Variants in RNF213 observed in about 807,000 individuals in gnomAD.
The protein encoded by RNF213 is ring finger protein 213.
In RNF213, 341 loss-of-function variants were observed where a neutral mutation model predicts 514.4. That is an observed-to-expected ratio of 0.66 (90% CI 0.61 to 0.73). The LOEUF is 0.73. Ranked by LOEUF, RNF213 falls within the 30% of genes least tolerant of loss-of-function variation. The probability of loss-of-function intolerance (pLI) is 0.00; values close to 1 mark genes in which losing one functional copy is unlikely to be tolerated. For missense variants in RNF213, 5,767 were observed against 6,615.6 expected (o/e 0.87, Z 4.45); for synonymous variants, 2,655 against 2,658.2 (o/e 1.00, Z 0.04).
intron 49 of RNF213, 113 bp downstream of exon 49, chr17:80,373,278 A>G: frequency 1.8e-6 from 1 of 556,212 alleles, no homozygotes; most frequent in Non-Finnish European, 2.8e-6. Flanking sequence ...CCACCCCCTC[A>G]CACCTTCCCC....
intron 37 of RNF213, among the ~76,000 whole-genome samples, chr17:80,358,915 A>G (rs2078934973): frequency 6.6e-6 from 1 of 152,132 alleles, no homozygotes; most frequent in Non-Finnish European, 1.5e-5. Flanking sequence ...CTCAAAAAAA[A>G]AGAATAGGAA....
chr17:80,293,605 C>T (rs1321906753), intron 8 of RNF213, among the ~76,000 whole-genome samples: 2 of 151,700 alleles, frequency 1.3e-5, no homozygotes, highest in African/African-American at 2.4e-5. Flanking sequence ...GGGCGGATCA[C>T]GAGGTCAGGA....
chr17:80,323,800 C>T (rs1043704860), intron 17 of RNF213, among the ~76,000 whole-genome samples: 3 of 147,260 alleles, frequency 2.0e-5, no homozygotes, highest in African/African-American at 7.7e-5. Flanking sequence ...TTAAATTTTG[C>T]ACTTCTTTTG....
intron 3 of RNF213, among the ~76,000 whole-genome samples, chr17:80,281,763 G>A (rs762564196): frequency 2.0e-5 from 3 of 151,952 alleles, no homozygotes; most frequent in African/African-American, 4.8e-5. Context: ...CCAGGACCGC[G>A]GAGGACGCCA....
At chr17:80,291,518 C>A in intron 7 of RNF213, 110 bp from the exon 8 acceptor site, 1 of 1,137,018 alleles carries the variant, frequency 8.8e-7, no homozygotes, top group Non-Finnish European at 1.3e-6. Context: ...CCACTGAACC[C>A]AGCCTTGCCA....
rs1225227755 is a variant in RNF213, at chr17:80,263,058, G to T, written c.-108-516G>T. ...CACTCTCACCCTGGATGCAAGAAGT[G>T]ACCCCGGAGGCCTGAGTCCTGGCCT... is the stretch of plus-strand genomic sequence containing the variant. On this transcript the variant is annotated intron_variant, in intron 1 of 67. Coordinates refer to ENST00000582970, the MANE Select transcript of RNF213 (RefSeq NM_001256071.3). The surrounding 1 kb of genome is among the most constrained non-coding windows in gnomAD (Gnocchi z 4.9). 6.6e-6 allele frequency among the ~76,000 whole-genome samples: 1 copy of T among 152,202 alleles called. No individual in the cohort carries two copies. The highest frequency in any genetic ancestry group is 1.5e-5 in the Non-Finnish European group (1 of 68,034).
At position 80,337,653 on chromosome 17, in the gene RNF213, C is replaced by A. The variant is rs1033686685; in HGVS notation, c.4595C>A (p.Ser1532Ter). 6.5e-7 allele frequency: 1 copy of A among 1,537,286 alleles called. No individual in the cohort carries two copies. The highest frequency in any genetic ancestry group is 8.7e-7 in the Non-Finnish European group (1 of 1,146,932). ...VNESHGSVER[S>*]SLTLATAINQ... is the part of the protein sequence containing the mutation. ...GAGAGTCATGGGTCTGTGGAACGCT[C>A]ATCCCTGACCCTGGCCACGGCCATC... The change falls in exon 24 of 68, where the codon TCA becomes TAA. Residue 1532 changes from serine (S) to a stop codon, truncating the protein, a stop_gained. Transcript: ENST00000582970. LOFTEE classifies it high-confidence loss of function.
rs1315733182 is a variant in RNF213, at chr17:80,313,277, C to T, written c.2811+110C>T. Reference sequence around the variant, plus strand: ...GGCCAGGGGCAGTTGTTGGCCTTCACCTGAGCCTCAGTTCTTCATCTACAA... The same window carrying T: ...GGCCAGGGGCAGTTGTTGGCCTTCATCTGAGCCTCAGTTCTTCATCTACAA... On this transcript the variant is annotated intron_variant, in intron 15 of 67. Transcript: ENST00000582970. The T allele has an allele frequency of 3.6e-6, 5 of 1,379,160 alleles. No individual in the cohort carries two copies. In the African/African-American group the frequency reaches 4.3e-5, roughly 12 times the overall value. The allele number at this position is 1,379,160 out of a possible 1,614,324, so 85.4% of individuals were successfully genotyped here. A position where few individuals can be genotyped will look rare whatever the true frequency, so the allele number is the denominator to read the frequency against.
At chr17:80,293,536 C>T (rs139639101) in intron 8 of RNF213, among the ~76,000 whole-genome samples, 2 of 151,296 alleles carry the variant, frequency 1.3e-5, no homozygotes, top group East Asian at 2.0e-4. Flanking sequence ...TAAAAGGGCA[C>T]GTGGTGGCTG....
chr17:80,388,584 T>G, intron 63 of RNF213, 28 bp from the exon 64 acceptor site: 1 of 1,513,330 alleles, frequency 6.6e-7, no homozygotes, highest in Non-Finnish European at 9.2e-7. Context: ...GATTTAATTT[T>G]AAAAAACTTT....
At chr17:80,324,269 C>T (rs975861382) in intron 17 of RNF213, among the ~76,000 whole-genome samples, 1 of 152,140 alleles carries the variant, frequency 6.6e-6, no homozygotes, top group African/African-American at 2.4e-5. Flanking sequence ...CCTTTTTGTT[C>T]CTCATTTGTT....
At chr17:80,384,413 A>G (rs1270223495) in intron 59 of RNF213, among the ~76,000 whole-genome samples, 1 of 152,228 alleles carries the variant, frequency 6.6e-6, no homozygotes, top group African/African-American at 2.4e-5. Context: ...ATCTGTTGGA[A>G]TTGGAAATAT....
At chr17:80,340,924 C>T (rs1189494464) in intron 26 of RNF213, 1 of 155,782 alleles carries the variant, frequency 6.4e-6, no homozygotes, top group African/African-American at 2.4e-5. Flanking sequence ...CCTGCCTCAG[C>T]CTCCCAAGTA....
intron 67 of RNF213, among the ~76,000 whole-genome samples, chr17:80,392,981 T>G (rs1199494271): frequency 1.4e-5 from 2 of 148,090 alleles, no homozygotes; most frequent in Non-Finnish European, 2.9e-5. Flanking sequence ...TTATGTTATA[T>G]GGGAGCCTTT....
chr17:80,273,253 A>G lies in RNF213; in HGVS notation c.110A>G (p.Asn37Ser), dbSNP rs200400003. Residue 37 changes from asparagine to serine, a missense_variant, in exon 3 of 68, where the codon AAT (asparagine) becomes AGT (serine). Asn to Ser is a conservative substitution (Grantham distance 46, BLOSUM62 1). This residue lies in a region of RNF213 where 509 missense variants were observed against 496.7 expected (regional missense o/e 1.02). Transcript: ENST00000582970. The stretch of plus-strand genomic sequence containing the variant: ...TCTGCCGTTACAGATTCTGAGAACA[A>G]TAACTCCACAATGGCGTCGGCCTCG... ...PAAPIADSEN[N>S]NSTMASASEG... 22 of 1,613,594 alleles carry G rather than the reference A, an allele frequency of 1.4e-5. No homozygotes were observed. In the Admixed American group the frequency reaches 3.0e-4, roughly 22 times the overall value.
At position 80,346,166 on chromosome 17, in the gene RNF213, G is replaced by A. The variant is rs116594105; in HGVS notation, c.7831G>A (p.Gly2611Arg). The A allele has an allele frequency of 9.2e-4, 1,487 of 1,614,098 alleles. 10 individuals are homozygous for A. In the African/African-American group the frequency reaches 0.017, roughly 19 times the overall value. Residue 2611 changes from glycine (G) to arginine (R), a missense_variant, in exon 29 of 68, where the codon GGG becomes AGG. Physicochemically the swap from Gly to Arg is moderately radical, Grantham distance 125. Transcript: ENST00000582970. This position sits in a 1 kb window ranked among gnomAD's most constrained non-coding sequence, Gnocchi z 8.1. ...TGAGTCCATCAGCCTAGATGAAAACGGGACTCGCGTGATCACAGAAGTCCT... is the reference window on the plus strand; with the variant it reads ...TGAGTCCATCAGCCTAGATGAAAACAGGACTCGCGTGATCACAGAAGTCCT... ...LVESISLDEN[G>R]TRVITEVLCA...
chr17:80,381,024 A>G (rs1484045759), intron 56 of RNF213, 37 bp downstream of exon 56: 3 of 1,611,538 alleles, frequency 1.9e-6, no homozygotes, highest in Admixed American at 3.3e-5. Flanking sequence ...GGCTCAGTTA[A>G]GAACCTGCTT....
Position 80,325,208 on chromosome 17 carries a change from C to CG in RNF213, c.3193+13dup. ...GTCTTCAGATTGTGTGGTATGTTTGCGGGAGTGCTGGGAACATCAGCTCAG... is the reference window on the plus strand; with the variant it reads ...GTCTTCAGATTGTGTGGTATGTTTGCGGGGAGTGCTGGGAACATCAGCTCAG... On this transcript the variant is annotated intron_variant, in intron 18 of 67. Coordinates refer to ENST00000582970, the MANE Select transcript of RNF213 (RefSeq NM_001256071.3). 2 of 1,525,506 alleles carry CG rather than the reference C, an allele frequency of 1.3e-6. No homozygotes were observed. Among genetic ancestry groups the CG allele is most frequent in the Non-Finnish European group, 1.8e-6 (2 of 1,138,458 alleles). 94.5% of individuals were successfully genotyped at this position (1,525,506 alleles called of 1,614,324 possible).
intron 67 of RNF213, 81 bp from the exon 68 acceptor site, chr17:80,393,264 A>G: frequency 8.7e-7 from 1 of 1,146,064 alleles, no homozygotes; most frequent in East Asian, 2.3e-5. Flanking sequence ...TACACACGTG[A>G]GCCACACAGT....
Sources: gnomAD v4.1 joint callset for allele counts (sites outside exome capture counted in the v4.1 genomes callset) on GRCh38, gnomAD v4.1.1 for gene constraint, gnomAD v4.1.1 regional missense constraint, Gnocchi (gnomAD v3.1) non-coding constraint, MANE v1.5 for transcripts, NCBI Gene and HGNC (gene_info 2026-07-23, HGNC 2026-07-21) for gene names.